Variants in ERAP2 observed in about 807,000 individuals in gnomAD.
The protein encoded by ERAP2 is endoplasmic reticulum aminopeptidase 2.
In ERAP2, 118 loss-of-function variants were observed where a neutral mutation model predicts 111.1. That is an observed-to-expected ratio of 1.06 (90% CI 0.92 to 1.24). The LOEUF (loss-of-function observed/expected upper bound fraction) is 1.24. Among genes scored for constraint, ERAP2 ranks in the 50% most tolerant of loss-of-function variants. ERAP2 has a pLI of 0.00. For synonymous variants in ERAP2, 410 were observed against 401.2 expected (o/e 1.02, Z -0.26); for missense variants, 1,131 against 1,125.8 (o/e 1.00, Z -0.07).
rs1182145209 is a variant in ERAP2, at chr5:96,883,912, A to C, written c.696A>C (p.Ala232=). ...TACGAAGAGAGAGCAGGCATATTGC[A>C]CTATCCAACATGCCAAAGGTATGTC... is the stretch of plus-strand genomic sequence containing the variant. ...IKIRRESRHI[A]LSNMPKVKTI... Residue 232 remains alanine, a synonymous_variant, in exon 3 of 19, where the codon GCA becomes GCC. Transcript: ENST00000437043. 6.2e-7 allele frequency: 1 copy of C among 1,610,710 alleles called. No homozygotes were observed. Among genetic ancestry groups the C allele is most frequent in the African/African-American group, 1.3e-5 (1 of 74,708 alleles).
rs1441920179 is a variant in ERAP2 at position 96,886,654 on chromosome 5, G to C, written c.715-1G>C. 6 of 1,512,738 alleles carry C rather than the reference G, an allele frequency of 4.0e-6. No homozygotes were observed. Among genetic ancestry groups the C allele is most frequent in the South Asian group, 2.6e-5 (2 of 76,744 alleles). The allele number at this position is 1,512,738 out of a possible 1,614,324, so 93.7% of individuals were successfully genotyped here. ...CTGATTATTCCTTTTCCTTTCTGTAGGTTAAGACAATTGAACTTGAAGGAG... is the reference window on the plus strand; with the variant it reads ...CTGATTATTCCTTTTCCTTTCTGTACGTTAAGACAATTGAACTTGAAGGAG... On this transcript the variant is annotated splice_acceptor_variant, in intron 3 of 18. Coordinates refer to ENST00000437043, the MANE Select transcript of ERAP2 (RefSeq NM_022350.5). LOFTEE classifies it high-confidence loss of function.
At chr5:96,901,758 A>C in intron 11 of ERAP2, 77 bp downstream of exon 11, 18 of 1,448,698 alleles carry the variant, frequency 1.2e-5, no homozygotes, top group Non-Finnish European at 1.3e-5. Flanking sequence ...CTCTCAGCTC[A>C]TCTGGCAACT....
intron 2 of ERAP2, among the ~76,000 whole-genome samples, chr5:96,880,729 T>C (rs533985173): frequency 1.3e-5 from 2 of 152,296 alleles, no homozygotes; most frequent in Admixed American, 6.5e-5. Context: ...TTGAGAAATA[T>C]AGTCAATTTG....
intron 13 of ERAP2, among the ~76,000 whole-genome samples, chr5:96,906,071 A>C (rs1282011475): frequency 6.6e-6 from 1 of 151,276 alleles, no homozygotes; most frequent in Non-Finnish European, 1.5e-5. Context: ...CACCACACCC[A>C]GTGTAAATCA....
intron 14 of ERAP2, 70 bp from the exon 15 acceptor site, chr5:96,909,510 T>C: frequency 8.0e-7 from 1 of 1,251,760 alleles, no homozygotes; most frequent in Middle Eastern, 1.9e-4. Flanking sequence ...AGTTGAGCCC[T>C]TTAGATGGGC....
intron 18 of ERAP2, among the ~76,000 whole-genome samples, chr5:96,916,551 C>T (rs1187582035): frequency 6.7e-6 from 1 of 149,856 alleles, no homozygotes; most frequent in Non-Finnish European, 1.5e-5. Flanking sequence ...GCAAGCTCCG[C>T]CTCCCAGGTT....
chr5:96,915,530 T>G lies in ERAP2; in HGVS notation c.2658-158T>G, dbSNP rs543539625. Among the ~76,000 whole-genome samples the G allele has an allele frequency of 2.6e-5, 4 of 152,332 alleles. No homozygotes were observed. In the East Asian group the frequency reaches 7.7e-4, roughly 29 times the overall value. ...TTGATAAGTTTCACAGCTTTAGAAT[T>G]GTACTGGATGAATGTTATTATGGTA... On this transcript the variant is annotated intron_variant, in intron 17 of 18. Coordinates refer to ENST00000437043, the MANE Select transcript of ERAP2 (RefSeq NM_022350.5).
chr5:96,895,166 T>C, intron 6 of ERAP2, 80 bp from the exon 7 acceptor site: 1 of 780,012 alleles, frequency 1.3e-6, no homozygotes, highest in South Asian at 1.7e-5. Context: ...AAAAAAAAGT[T>C]AGTAACTATT....
Position 96,895,275 on chromosome 5 carries a change from G to T in ERAP2, c.1155G>T (p.Trp385Cys). 2 of 1,612,476 alleles carry T rather than the reference G, an allele frequency of 1.2e-6. No individual in the cohort carries two copies. Among genetic ancestry groups the T allele is most frequent in the Non-Finnish European group, 1.7e-6 (2 of 1,179,080 alleles). ...QWFGNLVTME[W>C]WNDIWLKEGF... ...TTGGCAACCTGGTCACAATGGAATG[G>T]TGGAATGATATTTGGCTTAAGGAGG... The change falls in exon 7 of 19, where the codon TGG (tryptophan) becomes TGT (cysteine). Residue 385 changes from tryptophan to cysteine, a missense_variant. By Grantham distance (215) the Trp-to-Cys change is radical. Around this residue, in one of 3 missense-constraint regions of ERAP2, gnomAD observed 847 missense variants for 856.5 expected, o/e 0.99. Coordinates refer to ENST00000437043, the MANE Select transcript of ERAP2 (RefSeq NM_022350.5).
chr5:96,905,944 A>ATTT (rs34095051), intron 13 of ERAP2, among the ~76,000 whole-genome samples: 7 of 139,618 alleles, frequency 5.0e-5, no homozygotes, highest in Non-Finnish European at 7.7e-5. Flanking sequence ...TTTCTTTTTA[A>ATTT]TTTTTTTTTT....
At chr5:96,910,783 G>T (rs1023879589) in intron 15 of ERAP2, among the ~76,000 whole-genome samples, 3 of 152,144 alleles carry the variant, frequency 2.0e-5, no homozygotes, top group Admixed American at 6.5e-5. Context: ...TTTTAATGAA[G>T]AATTTCTTTA....
intron 9 of ERAP2, among the ~76,000 whole-genome samples, chr5:96,898,572 CAAAAAA>C (rs770783071): frequency 3.2e-5 from 3 of 94,472 alleles, no homozygotes; most frequent in African/African-American, 1.3e-4. Flanking sequence ...TACTAAAATA[CAAAAAA>C]AAAAAAAAAA....
In ERAP2 at chr5:96,902,164, T is replaced by G. The variant is rs573553286; in HGVS notation, c.1749-110T>G. On this transcript the variant is annotated intron_variant, in intron 11 of 18. Transcript: ENST00000437043. ...TTTATAAGACCACTTGTGGGTAGTA[T>G]GAAGGATGATGGGTACTTAGGTGCC... 5.2e-4 allele frequency: 359 copies of G among 686,132 alleles called. 1 individual carries two copies. The highest frequency in any genetic ancestry group is 7.2e-4 in the Non-Finnish European group (280 of 386,594). The allele number at this position is 686,132 out of a possible 1,614,324, so 42.5% of individuals were successfully genotyped here.
intron 13 of ERAP2, among the ~76,000 whole-genome samples, chr5:96,907,896 T>A (rs938474545): frequency 8.9e-4 from 129 of 144,722 alleles, no homozygotes; most frequent in Non-Finnish European, 1.5e-3. Flanking sequence ...AAAAAAAAAA[T>A]ATATATATAT....
At chr5:96,884,032 T>TTTTA in intron 3 of ERAP2, 102 bp downstream of exon 3, 1 of 950,030 alleles carries the variant, frequency 1.1e-6, no homozygotes, top group Non-Finnish European at 1.5e-6. Context: ...ATTAATTTGT[T>TTTTA]TTTATCTATC....
chr5:96,894,767 G>A (rs1784699906), intron 6 of ERAP2, among the ~76,000 whole-genome samples: 1 of 152,036 alleles, frequency 6.6e-6, no homozygotes. Context: ...CAACCTGAGA[G>A]CCCTAAATGA....
rs780623086 is a variant in ERAP2 at position 96,889,380 on chromosome 5, T to C, written c.970+75T>C. The C allele has an allele frequency of 2.6e-6, 4 of 1,517,518 alleles. No individual in the cohort carries two copies. The South Asian group carries it at 4.5e-5, about 17-fold the overall frequency. The allele number at this position is 1,517,518 out of a possible 1,614,324, so 94.0% of individuals were successfully genotyped here. On this transcript the variant is annotated intron_variant, in intron 5 of 18. Transcript: ENST00000437043. The stretch of plus-strand genomic sequence containing the variant: ...CTTTGATCTCTTCCCTCTTTCTCTT[T>C]CTATGTGATTTAAATGAGCACTGAG...
At chr5:96,878,249 T>C (rs1345640901) in intron 1 of ERAP2, among the ~76,000 whole-genome samples, 1 of 152,170 alleles carries the variant, frequency 6.6e-6, no homozygotes, top group Non-Finnish European at 1.5e-5. Context: ...TGTAAGAATA[T>C]TATAAACTCA....
At chr5:96,883,757 T>G in intron 2 of ERAP2, 35 bp from the exon 3 acceptor site, 1 of 1,588,694 alleles carries the variant, frequency 6.3e-7, no homozygotes, top group East Asian at 2.3e-5. Flanking sequence ...TTGATTTCAC[T>G]TGTGCATTTT....
Sources: allele counts gnomAD v4.1 joint callset (sites outside exome capture counted in the v4.1 genomes callset), GRCh38; gene constraint gnomAD v4.1.1; regional missense constraint gnomAD v4.1.1; transcripts MANE v1.5; gene names NCBI Gene and HGNC (gene_info 2026-07-23, HGNC 2026-07-21).